Variants in AAAS observed in about 807,000 individuals in gnomAD.
The protein encoded by AAAS is aladin.
In AAAS, 60 loss-of-function variants were observed where a neutral mutation model predicts 75.6. The ratio of observed to expected loss-of-function variants is 0.79; its 90% CI spans 0.64 to 0.98. AAAS has a LOEUF of 0.98. Ranked by LOEUF, AAAS falls within the 50% of genes least tolerant of loss-of-function variation. The pLI, the probability that AAAS is intolerant of heterozygous loss-of-function variation, is 0.00. For synonymous variants in AAAS, 271 were observed against 265.0 expected (o/e 1.02, Z -0.22); for missense variants, 658 against 686.9 (o/e 0.96, Z 0.47).
intron 2 of AAAS, among the ~76,000 whole-genome samples, chr12:53,319,820 A>AAAAAAG (rs1565784157): frequency 4.6e-5 from 1 of 21,564 alleles, no homozygotes; most frequent in African/African-American, 1.2e-4. Flanking sequence ...AAAAAAAAAA[A>AAAAAAG]AAAAAGAAAA....
Position 53,308,519 on chromosome 12 carries a change from T to C in AAAS, c.1097A>G (p.Lys366Arg), listed in dbSNP as rs1341208278. ...LSFPERCGEG[K>R]GCVGGAKSAT... Reference sequence around the variant, plus strand: ...TGACTTTGCACCTCCAACGCACCCCTTTCCCTCACCTGTGGACAAATAAGA... The same window carrying C: ...TGACTTTGCACCTCCAACGCACCCCCTTCCCTCACCTGTGGACAAATAAGA... The change falls in exon 12 of 16, where the codon AAG becomes AGG. Residue 366 changes from lysine to arginine, a missense_variant. By Grantham distance (26) the Lys-to-Arg change is conservative. Coordinates refer to ENST00000209873, the MANE Select transcript of AAAS (RefSeq NM_015665.6). 4.3e-6 allele frequency: 7 copies of C among 1,614,160 alleles called. No homozygotes were observed. In the South Asian group the frequency reaches 6.6e-5, roughly 15 times the overall value.
chr12:53,318,251 T>TGTGTGC (rs1555191470), intron 2 of AAAS, among the ~76,000 whole-genome samples: 17 of 137,210 alleles, frequency 1.2e-4, no homozygotes, highest in South Asian at 4.6e-4. Context: ...TGTGCGTGTG[T>TGTGTGC]GTGTGTGTGT....
intron 2 of AAAS, 44 bp downstream of exon 2, chr12:53,320,521 G>T (rs770156782): frequency 6.2e-7 from 1 of 1,612,248 alleles, no homozygotes; most frequent in Non-Finnish European, 8.5e-7. Flanking sequence ...TCATTTTCCA[G>T]GATCTGCAGA....
intron 2 of AAAS, among the ~76,000 whole-genome samples, chr12:53,318,478 G>A (rs1944501835): frequency 6.6e-6 from 1 of 152,092 alleles, no homozygotes. Flanking sequence ...CTCCCAAAGT[G>A]CTGGGATTAC....
At chr12:53,315,840 C>T (rs1944454381) in intron 2 of AAAS, 58 bp from the exon 3 acceptor site, 9 of 1,569,820 alleles carry the variant, frequency 5.7e-6, no homozygotes, top group East Asian at 2.2e-5. Context: ...CCCTCTCTAC[C>T]AGTTTCATTC....
chr12:53,321,346 G>A lies in AAAS; in HGVS notation c.120C>T (p.Gly40=), dbSNP rs548871225. 51 of 1,613,640 alleles carry A rather than the reference G, an allele frequency of 3.2e-5. 1 individual carries two copies. In the Middle Eastern group the frequency reaches 6.6e-4, roughly 21 times the overall value. The part of the protein sequence containing the change: ...SYESPPPDFR[G]QWINLPVLQL... ...CCTCCCTCCTCGCCCTGGCCACCTG[G>A]CCCCGGAAGTCGGGGGGCGGGCTCT... The change falls in exon 1 of 16, where the codon GGC becomes GGT. Residue 40 remains glycine, a synonymous_variant. Transcript: ENST00000209873.
chr12:53,320,483 G>C (rs769403760), intron 2 of AAAS, 82 bp downstream of exon 2: 2 of 1,580,480 alleles, frequency 1.3e-6, no homozygotes, highest in Non-Finnish European at 8.7e-7. Context: ...GTCTTTTGAA[G>C]AACACCCCAA....
In AAAS at chr12:53,321,400, A is replaced by T. The variant is rs754433662; in HGVS notation, c.66T>A (p.Asn22Lys). ...AGCTACTGCCCGTCACCAGCTCGTT[A>T]TTGTGCTCATATAGGGTGACTTGAC... ...PRGQVTLYEH[N>K]NELVTGSSYE... The change falls in exon 1 of 16, where the codon AAT (asparagine) becomes AAA (lysine). Residue 22 changes from asparagine (N) to lysine (K), a missense_variant. Asn to Lys is a moderately conservative substitution (Grantham distance 94, BLOSUM62 0). Transcript: ENST00000209873. 106 of 1,614,060 alleles carry T rather than the reference A, an allele frequency of 6.6e-5. No individual in the cohort carries two copies. Among genetic ancestry groups the T allele is most frequent in the Non-Finnish European group, 9.0e-5 (106 of 1,180,056 alleles).
At position 53,309,591 on chromosome 12, in the gene AAAS, AC is replaced by A. The variant is rs1944353725; in HGVS notation, c.810+9del. ...ACTGAAATGTGCATGAGGGGCAGGGACCCACTCACCCGGATAGCAGCATCCA... is the reference window on the plus strand; with the variant it reads ...ACTGAAATGTGCATGAGGGGCAGGGACCACTCACCCGGATAGCAGCATCCA... On this transcript the variant is annotated intron_variant, in intron 8 of 15. Coordinates refer to ENST00000209873, the MANE Select transcript of AAAS (RefSeq NM_015665.6). The A allele has an allele frequency of 6.2e-7, 1 of 1,613,516 alleles. No homozygotes were observed. The highest frequency in any genetic ancestry group is 2.2e-5 in the East Asian group (1 of 44,874).
chr12:53,316,433 C>A (rs987677446), intron 2 of AAAS, among the ~76,000 whole-genome samples: 1 of 146,248 alleles, frequency 6.8e-6, no homozygotes, highest in African/African-American at 2.5e-5. Flanking sequence ...CCAGCCTGGG[C>A]GACAGAGTGA....
chr12:53,309,319 C>T (rs1944350069), intron 8 of AAAS, 38 bp from the exon 9 acceptor site: 2 of 1,611,806 alleles, frequency 1.2e-6, no homozygotes, highest in South Asian at 1.1e-5. Context: ...AAAACTCAAG[C>T]ACCCCATCAT....
chr12:53,313,296 T>C (rs1390683511), intron 7 of AAAS, among the ~76,000 whole-genome samples: 3 of 151,520 alleles, frequency 2.0e-5, no homozygotes, highest in Non-Finnish European at 4.4e-5. Context: ...CCCAAGTAGC[T>C]GGGATCACAG....
At chr12:53,312,700 T>A (rs976997218) in intron 7 of AAAS, among the ~76,000 whole-genome samples, 3 of 151,666 alleles carry the variant, frequency 2.0e-5, no homozygotes, top group Non-Finnish European at 4.4e-5. Flanking sequence ...TAGTATACTT[T>A]GGTTTTCTTT....
At chr12:53,314,500 G>C (rs1054947013) in intron 6 of AAAS, 59 bp from the exon 7 acceptor site, 8 of 1,608,790 alleles carry the variant, frequency 5.0e-6, no homozygotes, top group Non-Finnish European at 6.8e-6. Flanking sequence ...CCAGGGACCA[G>C]AGTGCAGTTA....
At chr12:53,308,601 A>C (rs1944334173) in intron 11 of AAAS, 73 bp from the exon 12 acceptor site, 2 of 1,598,160 alleles carry the variant, frequency 1.3e-6, no homozygotes, top group African/African-American at 2.7e-5. Context: ...AGCTCACCAA[A>C]GGCATCAACA....
rs1944546269 is a variant in AAAS, at chr12:53,321,076, G to C, written c.123+267C>G. 5 of 585,310 alleles carry C rather than the reference G, an allele frequency of 8.5e-6. No homozygotes were observed. In the South Asian group the frequency reaches 1.0e-4, roughly 12 times the overall value. 36.3% of individuals were successfully genotyped at this position (585,310 alleles called of 1,614,324 possible). On this transcript the variant is annotated intron_variant, in intron 1 of 15. Coordinates refer to ENST00000209873, the MANE Select transcript of AAAS (RefSeq NM_015665.6). ...AGATACTGTCCCCAACTTTTAGATA[G>C]TTCTCCCGCATCCTCACACTCCCTA...
In AAAS at chr12:53,320,608, T is replaced by C. The variant is rs770062943; in HGVS notation, c.208A>G (p.Ile70Val). 1.9e-6 allele frequency: 3 copies of C among 1,614,038 alleles called. No individual in the cohort carries two copies. The African/African-American group carries it at 4.0e-5, about 22-fold the overall frequency. ...TTCCACACTTGCTCCCGGTGATGGA[T>C]GAAGGCAGTTCTTGTGCCATGGTCC... Reference protein sequence around the residue: ...RLDHGTRTAFIHHREQVWKRC... With the variant: ...RLDHGTRTAFVHHREQVWKRC... Residue 70 changes from isoleucine to valine, a missense_variant, in exon 2 of 16, where the codon ATC becomes GTC. Coordinates refer to ENST00000209873, the MANE Select transcript of AAAS (RefSeq NM_015665.6).
At chr12:53,315,815 T>C (rs1481075660) in intron 2 of AAAS, 33 bp from the exon 3 acceptor site, 9 of 1,604,700 alleles carry the variant, frequency 5.6e-6, no homozygotes, top group Non-Finnish European at 7.7e-6. Flanking sequence ...GTCAGCTTAC[T>C]CTGATCCCCT....
At chr12:53,320,821 A>G in intron 1 of AAAS, 129 bp from the exon 2 acceptor site, 3 of 1,077,252 alleles carry the variant, frequency 2.8e-6, no homozygotes, top group Non-Finnish European at 4.1e-6. Context: ...ATTTCCACAA[A>G]GCTAACACTT....
Sources: gnomAD v4.1 joint callset for allele counts (sites outside exome capture counted in the v4.1 genomes callset) on GRCh38, gnomAD v4.1.1 for gene constraint, MANE v1.5 for transcripts, NCBI Gene and HGNC (gene_info 2026-07-23, HGNC 2026-07-21) for gene names.